The following FBXL17 variants were observed in gnomAD, a reference collection of about 807,000 sequenced individuals.
FBXL17 encodes the protein F-box/LRR-repeat protein 17.
Under a neutral mutation model 66.2 loss-of-function variants are expected in FBXL17, and 22 were observed. The ratio of observed to expected loss-of-function variants is 0.33; its 90% CI spans 0.24 to 0.47. FBXL17 has a LOEUF of 0.47. FBXL17 is among the 20% of genes least tolerant of loss of function. FBXL17 has a pLI of 1.00. For synonymous variants in FBXL17, 474 were observed against 400.5 expected (o/e 1.18, Z -2.19); for missense variants, 878 against 948.2 (o/e 0.93, Z 0.97).
intron 6 of FBXL17, among the ~76,000 whole-genome samples, chr5:108,117,118 T>C (rs1750289212): frequency 6.6e-6 from 1 of 152,190 alleles, no homozygotes; most frequent in Non-Finnish European, 1.5e-5. Flanking sequence ...TTTTAAATAC[T>C]TAAGGACAGT....
At chr5:107,983,565 A>AG (rs913716080) in intron 7 of FBXL17, among the ~76,000 whole-genome samples, 2 of 152,036 alleles carry the variant, frequency 1.3e-5, no homozygotes, top group Non-Finnish European at 2.9e-5. Context: ...GCAAAGAGAG[A>AG]GGGGGATATT....
chr5:108,132,359 GACC>G (rs1000480600), intron 6 of FBXL17, among the ~76,000 whole-genome samples: 2 of 152,146 alleles, frequency 1.3e-5, no homozygotes, highest in Non-Finnish European at 2.9e-5. Flanking sequence ...AGATAGTAAT[GACC>G]ACAATAGACC....
chr5:108,009,844 TG>T (rs1346943875), intron 7 of FBXL17, among the ~76,000 whole-genome samples: 5 of 152,108 alleles, frequency 3.3e-5, no homozygotes, highest in African/African-American at 1.2e-4. Flanking sequence ...CCAAAAAATA[TG>T]AGATGGAAAG....
chr5:108,116,483 CAAA>C (rs34773737), intron 6 of FBXL17, among the ~76,000 whole-genome samples: 12 of 134,582 alleles, frequency 8.9e-5, no homozygotes, highest in Admixed American at 1.5e-4. Context: ...ACTAAAAATA[CAAA>C]AAAAAAAAAA....
At chr5:108,348,810 A>G (rs1301305151) in intron 3 of FBXL17, among the ~76,000 whole-genome samples, 3 of 152,132 alleles carry the variant, frequency 2.0e-5, no homozygotes, top group Admixed American at 6.6e-5. Flanking sequence ...TTACTCCAGT[A>G]TATATATTTT....
intron 7 of FBXL17, among the ~76,000 whole-genome samples, chr5:107,898,801 G>A (rs9885427): frequency 0.77 from 117,559 of 152,134 alleles, 45,764 homozygotes; most frequent in Admixed American, 0.79. Flanking sequence ...ACATGAACTC[G>A]TCCTTTTTTA....
intron 4 of FBXL17, chr5:108,299,257 G>A (rs887506231): frequency 2.3e-5 from 23 of 985,024 alleles, no homozygotes; most frequent in South Asian, 1.4e-4. Context: ...AGTTTAAAGC[G>A]TTAGGGCAGA....
intron 4 of FBXL17, among the ~76,000 whole-genome samples, chr5:108,228,426 C>T (rs1755190326): frequency 6.6e-6 from 1 of 152,068 alleles, no homozygotes; most frequent in African/African-American, 2.4e-5. Context: ...GCTTCAAATC[C>T]CAACTGGACC....
At chr5:108,129,752 C>A (rs1413226390) in intron 6 of FBXL17, among the ~76,000 whole-genome samples, 1 of 151,386 alleles carries the variant, frequency 6.6e-6, no homozygotes, top group Non-Finnish European at 1.5e-5. Flanking sequence ...AATTCTAAAA[C>A]CTGAATAGAA....
At chr5:108,093,040 A>G (rs551238316) in intron 6 of FBXL17, among the ~76,000 whole-genome samples, 1 of 152,226 alleles carries the variant, frequency 6.6e-6, no homozygotes, top group African/African-American at 2.4e-5. Context: ...AAATTTAACA[A>G]TTAATATTTT....
intron 7 of FBXL17, among the ~76,000 whole-genome samples, chr5:107,889,049 T>TACCTTCTC (rs1749103345): frequency 6.6e-6 from 1 of 152,158 alleles, no homozygotes; most frequent in South Asian, 2.1e-4. Context: ...TACGTAGTAG[T>TACCTTCTC]ACCTTCTCGT....
chr5:108,343,565 T>G (rs531238739), intron 4 of FBXL17, among the ~76,000 whole-genome samples: 1 of 152,294 alleles, frequency 6.6e-6, no homozygotes, highest in African/African-American at 2.4e-5. Context: ...ATATATTAAC[T>G]CATATATAAA....
At chr5:108,310,805 T>C (rs1469229598) in intron 4 of FBXL17, among the ~76,000 whole-genome samples, 1 of 152,200 alleles carries the variant, frequency 6.6e-6, no homozygotes, top group Non-Finnish European at 1.5e-5. Context: ...TCAAAGGCAA[T>C]ATGTGACTTG....
rs140902483 is a variant in FBXL17, at chr5:108,027,214, G to A, written c.1746-6213C>T. Among the ~76,000 whole-genome samples, 383 of 152,130 alleles carry A rather than the reference G, an allele frequency of 2.5e-3. 2 individuals are homozygous for A. Among genetic ancestry groups the A allele is most frequent in the African/African-American group, 8.9e-3 (368 of 41,538 alleles). Reference sequence around the variant, plus strand: ...TAGAATACTTTAAAAATGTATTTTAGACAGAATAAAGCCTGCAATATTTTA... The same window carrying A: ...TAGAATACTTTAAAAATGTATTTTAAACAGAATAAAGCCTGCAATATTTTA... On this transcript the variant is annotated intron_variant, in intron 6 of 8. Coordinates refer to ENST00000542267, the MANE Select transcript of FBXL17 (RefSeq NM_001163315.3).
chr5:108,220,044 AT>A (rs535221446), intron 5 of FBXL17, among the ~76,000 whole-genome samples: 78 of 140,312 alleles, frequency 5.6e-4, no homozygotes, highest in African/African-American at 2.1e-3. Flanking sequence ...TCATATTGGT[AT>A]TTGTTTCATT....
At chr5:107,898,797 A>G (rs967356027) in intron 7 of FBXL17, among the ~76,000 whole-genome samples, 2 of 152,056 alleles carry the variant, frequency 1.3e-5, no homozygotes, top group Non-Finnish European at 1.5e-5. Flanking sequence ...AAGGACATGA[A>G]CTCGTCCTTT....
chr5:108,202,491 A>T (rs1374506118), intron 5 of FBXL17, among the ~76,000 whole-genome samples: 4 of 152,186 alleles, frequency 2.6e-5, no homozygotes, highest in Non-Finnish European at 4.4e-5. Flanking sequence ...TTGGGCAGTA[A>T]TAATAAGGTA....
intron 6 of FBXL17, among the ~76,000 whole-genome samples, chr5:108,091,346 T>C (rs911606307): frequency 6.6e-6 from 1 of 152,206 alleles, no homozygotes; most frequent in Non-Finnish European, 1.5e-5. Flanking sequence ...TCCTGAATAA[T>C]TTCTTGAGTA....
At chr5:107,981,611 C>T (rs948485077) in intron 7 of FBXL17, among the ~76,000 whole-genome samples, 19 of 152,260 alleles carry the variant, frequency 1.2e-4, no homozygotes, top group East Asian at 7.7e-4. Flanking sequence ...AACACTTCTC[C>T]GTTCTGCCCA....
Sources: allele counts gnomAD v4.1 joint callset (sites outside exome capture counted in the v4.1 genomes callset), GRCh38; gene constraint gnomAD v4.1.1; transcripts MANE v1.5; gene names NCBI Gene and HGNC (gene_info 2026-07-23, HGNC 2026-07-21).